The following RALGPS1 variants were observed in gnomAD, a reference collection of about 807,000 sequenced individuals.
The protein encoded by RALGPS1 is Ral GEF with PH domain and SH3 binding motif 1.
In RALGPS1, 19 loss-of-function variants were observed where a neutral mutation model predicts 78.8. The ratio of observed to expected loss-of-function variants is 0.24; its 90% CI spans 0.17 to 0.35. The LOEUF (loss-of-function observed/expected upper bound fraction) is 0.35, where lower values mean the gene tolerates loss of function less well. RALGPS1 is among the 10% of genes least tolerant of loss of function. RALGPS1 has a pLI of 1.00. For synonymous variants in RALGPS1, 228 were observed against 256.3 expected, an observed-to-expected ratio of 0.89 and a Z score of 1.06; for missense variants, 454 against 688.3, an observed-to-expected ratio of 0.66 and a Z score of 3.81.
intron 4 of RALGPS1, among the ~76,000 whole-genome samples, chr9:127,018,811 C>G (rs2045157441): frequency 6.6e-6 from 1 of 152,090 alleles, no homozygotes; most frequent in Admixed American, 6.5e-5. Context: ...ACACCAGCAT[C>G]ACCACAAACA....
At chr9:127,069,640 A>C in intron 8 of RALGPS1, 1 of 277,610 alleles carries the variant, frequency 3.6e-6, no homozygotes, top group Non-Finnish European at 6.9e-6. Context: ...GAGTGATAAG[A>C]CTCGTACTGG....
rs142844382 is a variant in RALGPS1 at position 126,993,716 on chromosome 9, C to G, written c.216+15971C>G. Among the ~76,000 whole-genome samples, 75 of 152,182 alleles carry G rather than the reference C, an allele frequency of 4.9e-4. 1 individual carries two copies. The East Asian group carries it at 8.5e-3, about 17-fold the overall frequency. ...CAGCACGCAGCTTGAGATCTGAGAA[C>G]GGGCAGACTGGTTCCTCAAGTGGGT... On this transcript the variant is annotated intron_variant, in intron 4 of 18. Coordinates refer to ENST00000259351, the MANE Select transcript of RALGPS1 (RefSeq NM_014636.3).
chr9:127,204,996 C>A (rs2061854626), intron 14 of RALGPS1, among the ~76,000 whole-genome samples: 1 of 152,232 alleles, frequency 6.6e-6, no homozygotes, highest in Non-Finnish European at 1.5e-5. Flanking sequence ...CCCTTGGCTG[C>A]AGCAGACATG....
chr9:127,087,842 T>C (rs1385739576), intron 8 of RALGPS1: 2 of 152,462 alleles, frequency 1.3e-5, no homozygotes, highest in Admixed American at 6.5e-5. Flanking sequence ...GATGATCTGA[T>C]GACTTCTGTT....
At chr9:126,957,577 A>G (rs915498775) in intron 1 of RALGPS1, among the ~76,000 whole-genome samples, 1 of 152,224 alleles carries the variant, frequency 6.6e-6, no homozygotes, top group Non-Finnish European at 1.5e-5. Context: ...AACAGGTTCC[A>G]TCCATACCAG....
intron 4 of RALGPS1, among the ~76,000 whole-genome samples, chr9:127,024,016 G>A (rs2045725063): frequency 9.0e-6 from 1 of 111,550 alleles, no homozygotes. Flanking sequence ...CAGCCTGGGT[G>A]ACAGAGTAAG....
intron 4 of RALGPS1, among the ~76,000 whole-genome samples, chr9:127,005,298 C>A (rs1564402873): frequency 6.6e-6 from 1 of 152,250 alleles, no homozygotes; most frequent in African/African-American, 2.4e-5. Context: ...TGAGAAATTT[C>A]AGTCTTCAGA....
intron 12 of RALGPS1, among the ~76,000 whole-genome samples, chr9:127,195,728 G>A (rs1046715059): frequency 3.3e-5 from 5 of 152,148 alleles, no homozygotes; most frequent in Non-Finnish European, 5.9e-5. Context: ...AGGGCATTAG[G>A]CACAGGCTTC....
Position 127,108,432 on chromosome 9 carries a change from C to G in RALGPS1, c.610+39076C>G, listed in dbSNP as rs2054467299. 2 of 1,608,764 alleles carry G rather than the reference C, an allele frequency of 1.2e-6. No individual in the cohort carries two copies. The highest frequency in any genetic ancestry group is 1.7e-5 in the Admixed American group (1 of 59,860). Reference sequence around the variant, plus strand: ...GCTGCTGCAGCGTCTCGATCTGCCGCTTCTGCTTGAGCAGCTCATTGTTGA... The same window carrying G: ...GCTGCTGCAGCGTCTCGATCTGCCGGTTCTGCTTGAGCAGCTCATTGTTGA... On this transcript the variant is annotated intron_variant, in intron 8 of 18. Transcript: ENST00000259351.
intron 8 of RALGPS1, among the ~76,000 whole-genome samples, chr9:127,159,731 A>T (rs576621193): frequency 2.0e-5 from 3 of 152,284 alleles, no homozygotes; most frequent in East Asian, 1.9e-4. Context: ...GTGCTCTCTT[A>T]AAGAGAGCAC....
chr9:127,185,152 C>A (rs2060560105), intron 11 of RALGPS1, among the ~76,000 whole-genome samples: 1 of 152,196 alleles, frequency 6.6e-6, no homozygotes, highest in South Asian at 2.1e-4. Flanking sequence ...CCCTCCATAC[C>A]CCCAGCCTGT....
At chr9:127,022,424 G>A (rs1381548986) in intron 4 of RALGPS1, among the ~76,000 whole-genome samples, 1 of 151,872 alleles carries the variant, frequency 6.6e-6, no homozygotes, top group African/African-American at 2.4e-5. Flanking sequence ...TCTCCCTCAT[G>A]GCATCAGGGC....
chr9:127,003,941 C>T (rs181166083), intron 4 of RALGPS1, among the ~76,000 whole-genome samples: 2 of 152,180 alleles, frequency 1.3e-5, no homozygotes, highest in Admixed American at 1.3e-4. Context: ...ATGCAGAGTT[C>T]ACCTCAGCAC....
intron 8 of RALGPS1, among the ~76,000 whole-genome samples, chr9:127,103,278 A>C (rs184841377): frequency 3.4e-4 from 52 of 152,372 alleles, no homozygotes; most frequent in African/African-American, 1.2e-3. Flanking sequence ...ACTCTTGTTC[A>C]AGTTGTCCAT....
At chr9:127,215,364 G>T (rs1285774463) in intron 18 of RALGPS1, among the ~76,000 whole-genome samples, 2 of 152,216 alleles carry the variant, frequency 1.3e-5, no homozygotes, top group Non-Finnish European at 2.9e-5. Context: ...GCCCTCTCTG[G>T]CCTGGCTCAT....
chr9:126,969,564 G>C (rs935145866), intron 3 of RALGPS1, among the ~76,000 whole-genome samples: 4 of 152,308 alleles, frequency 2.6e-5, no homozygotes, highest in Middle Eastern at 3.4e-3. Flanking sequence ...CATGGATCTC[G>C]CAGGCCAGTG....
At chr9:126,967,256 C>T (rs1479495708) in intron 3 of RALGPS1, among the ~76,000 whole-genome samples, 1 of 152,170 alleles carries the variant, frequency 6.6e-6, no homozygotes, top group East Asian at 1.9e-4. Context: ...AGAGTTCCTC[C>T]TGAGGCCTCC....
chr9:126,985,784 A>T (rs191926747), intron 4 of RALGPS1, among the ~76,000 whole-genome samples: 1 of 152,300 alleles, frequency 6.6e-6, no homozygotes, highest in East Asian at 1.9e-4. Context: ...AAGGAGGGTT[A>T]TGCTAATTTG....
Position 127,219,975 on chromosome 9 carries a change from C to T in RALGPS1, c.*1206C>T, listed in dbSNP as rs2062731310. 6.5e-6 allele frequency: 1 copy of T among 152,676 alleles called. No individual in the cohort carries two copies. Among genetic ancestry groups the T allele is most frequent in the Non-Finnish European group, 1.5e-5 (1 of 68,048 alleles). 9.5% of individuals were successfully genotyped at this position (152,676 alleles called of 1,614,324 possible). A position where few individuals can be genotyped will look rare whatever the true frequency, so the allele number is the denominator to read the frequency against. ...ATAGAGCGAAGCCCCGGGGAGTGAACGGTCCAACCTCTGCATTCAGTTAGG... is the reference window on the plus strand; with the variant it reads ...ATAGAGCGAAGCCCCGGGGAGTGAATGGTCCAACCTCTGCATTCAGTTAGG... On this transcript the variant is annotated 3_prime_UTR_variant, in exon 19 of 19. Transcript: ENST00000259351. The surrounding 1 kb of genome is among the most constrained non-coding windows in gnomAD (Gnocchi z 5.0).
Sources: gnomAD v4.1 joint callset for allele counts (sites outside exome capture counted in the v4.1 genomes callset) on GRCh38, gnomAD v4.1.1 for gene constraint, Gnocchi (gnomAD v3.1) non-coding constraint, MANE v1.5 for transcripts, NCBI Gene and HGNC (gene_info 2026-07-23, HGNC 2026-07-21) for gene names.